The following MIA3 variants were observed in gnomAD, a reference collection of about 807,000 sequenced individuals.
MIA3 encodes the protein MIA SH3 domain ER export factor 3, also known as transport and Golgi organization protein 1 homolog.
A neutral mutation model predicts 192.4 loss-of-function variants in MIA3; 90 were observed. The ratio of observed to expected loss-of-function variants is 0.47; its 90% CI spans 0.39 to 0.56. The LOEUF is 0.56. Among genes scored for constraint, MIA3 ranks in the 20% least tolerant of loss-of-function variants. The pLI, the probability that MIA3 is intolerant of heterozygous loss-of-function variation, is 0.00. For missense variants in MIA3, 2,123 were observed against 2,269.4 expected (o/e 0.94, Z 1.31); for synonymous variants, 740 against 792.8 (o/e 0.93, Z 1.12).
In MIA3 at chr1:222,660,171, C is replaced by A. The variant is rs1663937700; in HGVS notation, c.4976-6C>A. 1.2e-6 allele frequency: 2 copies of A among 1,609,860 alleles called. No homozygotes were observed. Among genetic ancestry groups the A allele is most frequent in the Non-Finnish European group, 1.7e-6 (2 of 1,178,786 alleles). Reference sequence around the variant, plus strand: ...TAAAATGCTAACAAGATGCTGTCATCTTTAGGTCCTCTGAGCCAGAATGGC... The same window carrying A: ...TAAAATGCTAACAAGATGCTGTCATATTTAGGTCCTCTGAGCCAGAATGGC... On this transcript the variant is annotated splice_polypyrimidine_tract_variant and splice_region_variant and intron_variant, in intron 23 of 27. Coordinates refer to ENST00000344922, the MANE Select transcript of MIA3 (RefSeq NM_198551.4).
Position 222,630,291 on chromosome 1 carries a change from T to C in MIA3, c.3071T>C (p.Leu1024Pro), listed in dbSNP as rs775227666. The C allele has an allele frequency of 3.1e-6, 5 of 1,614,226 alleles. No individual in the cohort carries two copies. Among genetic ancestry groups the C allele is most frequent in the Admixed American group, 1.7e-5 (1 of 60,030 alleles). ...EAAVLDDIQD[L>P]IYFVRYKHST... ...GCAGTGCTTGATGACATTCAAGACC[T>C]CATCTATTTTGTCAGGTACAAGCAC... is the stretch of plus-strand genomic sequence containing the variant. Residue 1024 changes from leucine (L) to proline (P), a missense_variant, in exon 4 of 28, where the codon CTC becomes CCC. Transcript: ENST00000344922.
chr1:222,648,573 A>G (rs1160944303), intron 7 of MIA3, among the ~76,000 whole-genome samples: 1 of 152,240 alleles, frequency 6.6e-6, no homozygotes, highest in Non-Finnish European at 1.5e-5. Flanking sequence ...ATTTAGATAT[A>G]TAAACATATC....
intron 6 of MIA3, among the ~76,000 whole-genome samples, chr1:222,637,513 T>C (rs1438839247): frequency 6.6e-6 from 1 of 152,190 alleles, no homozygotes; most frequent in Non-Finnish European, 1.5e-5. Context: ...GGGTAAATAT[T>C]TGATTCTTTT....
At chr1:222,637,682 TA>T (rs71175178) in intron 6 of MIA3, among the ~76,000 whole-genome samples, 78,944 of 138,250 alleles carry the variant, frequency 0.57, 24,529 homozygotes, top group Non-Finnish European at 0.71. Context: ...CAATCAAGAA[TA>T]ATTTTTTTTT....
intron 6 of MIA3, among the ~76,000 whole-genome samples, chr1:222,635,576 A>G (rs577084080): frequency 6.6e-6 from 1 of 152,374 alleles, no homozygotes; most frequent in East Asian, 1.9e-4. Flanking sequence ...TACCAAATAC[A>G]TGTGAAAATT....
intron 8 of MIA3, 59 bp from the exon 9 acceptor site, chr1:222,650,233 T>C: frequency 1.1e-6 from 1 of 919,728 alleles, no homozygotes; most frequent in Non-Finnish European, 1.8e-6. Flanking sequence ...GCTGATACAT[T>C]GGGTAATTCA....
intron 6 of MIA3, among the ~76,000 whole-genome samples, chr1:222,644,813 C>G (rs1663058345): frequency 6.6e-6 from 1 of 151,090 alleles, no homozygotes; most frequent in South Asian, 2.1e-4. Flanking sequence ...AGTGACAGCA[C>G]TTTATGTTCT....
At chr1:222,637,383 C>CT (rs1558182243) in intron 6 of MIA3, among the ~76,000 whole-genome samples, 2 of 152,110 alleles carry the variant, frequency 1.3e-5, no homozygotes, top group South Asian at 4.1e-4. Context: ...GGGTGTCCCT[C>CT]TTTTTTTAAA....
At chr1:222,632,906 A>C (rs1029471953) in intron 5 of MIA3, among the ~76,000 whole-genome samples, 198 bp from the exon 6 acceptor site, 2 of 152,374 alleles carry the variant, frequency 1.3e-5, no homozygotes, top group South Asian at 2.1e-4. Flanking sequence ...ACAGTACAGA[A>C]CACTGTAGTG....
chr1:222,652,793 C>A (rs1663511969), intron 13 of MIA3, among the ~76,000 whole-genome samples: 1 of 152,184 alleles, frequency 6.6e-6, no homozygotes, highest in African/African-American at 2.4e-5. Flanking sequence ...CTGAAGGATG[C>A]AATAAACAAG....
At position 222,650,735 on chromosome 1, in the gene MIA3, C is replaced by A; in HGVS notation, c.3798+24C>A. On this transcript the variant is annotated intron_variant, in intron 10 of 27. Coordinates refer to ENST00000344922, the MANE Select transcript of MIA3 (RefSeq NM_198551.4). ...AGGTAAAAACTTCTTTTGGGGATTA[C>A]ATTTTAAAACAAAAGTAAAAGTAAT... 1.3e-6 allele frequency: 2 copies of A among 1,565,100 alleles called. 1 individual carries two copies. The highest frequency in any genetic ancestry group is 1.7e-6 in the Non-Finnish European group (2 of 1,145,712).
At chr1:222,619,356 G>T (rs1016438470) in intron 1 of MIA3, among the ~76,000 whole-genome samples, 1 of 152,086 alleles carries the variant, frequency 6.6e-6, no homozygotes, top group East Asian at 1.9e-4. Flanking sequence ...CTATAGAAAC[G>T]TATTCATTTT....
In MIA3 at chr1:222,658,704, C is replaced by T; in HGVS notation, c.4608-18C>T. 1 of 1,567,590 alleles carries T rather than the reference C, an allele frequency of 6.4e-7. No individual in the cohort carries two copies. The highest frequency in any genetic ancestry group is 1.1e-5 in the South Asian group (1 of 87,274). On this transcript the variant is annotated intron_variant, in intron 18 of 27. Transcript: ENST00000344922. Reference sequence around the variant, plus strand: ...AGGAAAAGAGAAACACTTTCATTGACAACCAGTTTTATCTTAGGAAACTGA... The same window carrying T: ...AGGAAAAGAGAAACACTTTCATTGATAACCAGTTTTATCTTAGGAAACTGA...
In MIA3 at chr1:222,633,223, T is replaced by G. The variant is rs2124857684; in HGVS notation, c.3451T>G (p.Ser1151Ala). The change falls in exon 6 of 28, where the codon TCA (serine) becomes GCA (alanine). Residue 1151 changes from serine to alanine, a missense_variant. Transcript: ENST00000344922. ...PLENAILLIY[S>A]FMFYLTKSLV... is the part of the protein sequence containing the mutation. ...GGAAAACGCAATCCTTCTAATATAT[T>G]CATTCATGTTTTATTTAACTAAGTC... 1 of 1,608,194 alleles carries G rather than the reference T, an allele frequency of 6.2e-7. No homozygotes were observed. The highest frequency in any genetic ancestry group is 8.5e-7 in the Non-Finnish European group (1 of 1,178,322).
intron 18 of MIA3, among the ~76,000 whole-genome samples, 153 bp downstream of exon 18, chr1:222,654,946 T>C (rs1371993811): frequency 6.6e-6 from 1 of 152,264 alleles, no homozygotes; most frequent in African/African-American, 2.4e-5. Context: ...TTGTTTCTCA[T>C]AAGCTGCATT....
intron 1 of MIA3, among the ~76,000 whole-genome samples, chr1:222,620,064 T>C (rs1203624422): frequency 1.3e-5 from 2 of 152,240 alleles, no homozygotes; most frequent in Non-Finnish European, 2.9e-5. Context: ...CACTCAATTA[T>C]ATCTGAGCTA....
intron 1 of MIA3, 62 bp downstream of exon 1, chr1:222,618,305 CG>C (rs1176716226): frequency 3.1e-6 from 4 of 1,275,176 alleles, no homozygotes; most frequent in Non-Finnish European, 3.0e-6. Flanking sequence ...CCGCCGGCCC[CG>C]GGGGTCTCCG....
At chr1:222,659,351 C>A in intron 19 of MIA3, 102 bp from the exon 20 acceptor site, 3 of 967,344 alleles carry the variant, frequency 3.1e-6, no homozygotes, top group Non-Finnish European at 3.2e-6. Context: ...TCTGGATAAG[C>A]TCTATTAGGG....
Position 222,629,382 on chromosome 1 carries a change from A to G in MIA3, c.2162A>G (p.Glu721Gly). ...TGGPAFLSKV[E>G]EDDYPSEELL... ...GGACCAGCTTTCCTTTCTAAAGTAG[A>G]AGAGGATGATTATCCCTCTGAAGAA... Residue 721 changes from glutamate (E) to glycine (G), a missense_variant, in exon 4 of 28, where the codon GAA becomes GGA. By Grantham distance (98) the Glu-to-Gly change is moderately conservative (BLOSUM62 -2). This residue lies in a region of MIA3 where 1,357 missense variants were observed against 1,396.1 expected (regional missense o/e 0.97). Coordinates refer to ENST00000344922, the MANE Select transcript of MIA3 (RefSeq NM_198551.4). The G allele has an allele frequency of 6.2e-7, 1 of 1,614,206 alleles. No homozygotes were observed. Among genetic ancestry groups the G allele is most frequent in the Non-Finnish European group, 8.5e-7 (1 of 1,180,022 alleles).
Sources: gnomAD v4.1 joint callset for allele counts (sites outside exome capture counted in the v4.1 genomes callset) on GRCh38, gnomAD v4.1.1 for gene constraint, gnomAD v4.1.1 regional missense constraint, MANE v1.5 for transcripts, NCBI Gene and HGNC (gene_info 2026-07-23, HGNC 2026-07-21) for gene names.